XKR9: variants seen among roughly 807,000 people sequenced by gnomAD.
XKR9 encodes XK related 9.
A neutral mutation model predicts 32.0 loss-of-function variants in XKR9; 32 were observed. The observed-to-expected ratio is 1.00, with a 90% confidence interval of 0.76 to 1.34. XKR9 has a LOEUF of 1.34. XKR9 is among the 40% of genes most tolerant of loss of function. XKR9 has a pLI of 0.00. For synonymous variants in XKR9, 168 were observed against 143.4 expected, an observed-to-expected ratio of 1.17 and a Z score of -1.22; for missense variants, 546 against 429.7, an observed-to-expected ratio of 1.27 and a Z score of -2.39.
At chr8:70,709,934 A>G (rs900452785) in intron 4 of XKR9, among the ~76,000 whole-genome samples, 1 of 152,120 alleles carries the variant, frequency 6.6e-6, no homozygotes, top group African/African-American at 2.4e-5. Context: ...TACAGAATGA[A>G]AAAAAGATTC....
chr8:70,917,101 C>A, the XKR9 span, among the ~76,000 whole-genome samples: 2 of 152,148 alleles, frequency 1.3e-5, no homozygotes, highest in East Asian at 1.9e-4. Flanking sequence ...TTATTCTTAC[C>A]TTTACTCCAG....
rs192836102 is a variant in XKR9 at position 70,727,743 on chromosome 8, C to T, written c.494-6053C>T. ...GACAACTTAGTGGGTAGGGGAAGCC[C>T]GTGAGCTGGGAGTGCCGATTGGTCA... On this transcript the variant is annotated intron_variant, in intron 4 of 4. Coordinates refer to ENST00000408926, the MANE Select transcript of XKR9 (RefSeq NM_001011720.2). Among the ~76,000 whole-genome samples the T allele has an allele frequency of 1.1e-4, 16 of 151,932 alleles. 1 individual carries two copies. The highest frequency in any genetic ancestry group is 8.5e-4 in the Admixed American group (13 of 15,256).
At chr8:70,953,891 G>C in the XKR9 span, among the ~76,000 whole-genome samples, 5 of 152,148 alleles carry the variant, frequency 3.3e-5, no homozygotes, top group Non-Finnish European at 7.4e-5. Context: ...AGGCAAGGCG[G>C]TGGGAAAACA....
chr8:70,692,348 C>G (rs1480700962), intron 3 of XKR9, among the ~76,000 whole-genome samples: 2 of 151,994 alleles, frequency 1.3e-5, no homozygotes, highest in Admixed American at 6.6e-5. Context: ...GATATAGAAT[C>G]ATGTCATCTG....
intron 2 of XKR9, among the ~76,000 whole-genome samples, chr8:70,677,147 T>A (rs2132103403): frequency 6.9e-6 from 1 of 145,594 alleles, no homozygotes; most frequent in Admixed American, 6.8e-5. Flanking sequence ...AAAAAAAATC[T>A]TTTTTTGTTT....
At chr8:70,886,662 A>G in the XKR9 span, among the ~76,000 whole-genome samples, 2 of 139,218 alleles carry the variant, frequency 1.4e-5, no homozygotes, top group African/African-American at 2.5e-5. Flanking sequence ...TTTTTTTTTC[A>G]TATGTTTATT....
the XKR9 span, among the ~76,000 whole-genome samples, chr8:71,020,688 A>G: frequency 1.3e-5 from 2 of 152,188 alleles, no homozygotes; most frequent in African/African-American, 4.8e-5. Flanking sequence ...TTGTTATATA[A>G]TTGGAATGTG....
At chr8:70,844,072 G>A in the XKR9 span, among the ~76,000 whole-genome samples, 1 of 152,182 alleles carries the variant, frequency 6.6e-6, no homozygotes, top group African/African-American at 2.4e-5. Flanking sequence ...AGCTTACCAA[G>A]GACGATGTCC....
At chr8:70,837,833 T>C in the XKR9 span, among the ~76,000 whole-genome samples, 1 of 152,120 alleles carries the variant, frequency 6.6e-6, no homozygotes, top group Non-Finnish European at 1.5e-5. Context: ...TATACTTCAA[T>C]ATTAAACTAT....
the XKR9 span, among the ~76,000 whole-genome samples, chr8:70,853,538 G>T: frequency 2.7e-5 from 4 of 150,928 alleles, no homozygotes; most frequent in Admixed American, 2.6e-4. Context: ...ACAAAAAAAA[G>T]ACATTCTTTT....
At chr8:70,680,222 A>C (rs1447246786) in intron 2 of XKR9, among the ~76,000 whole-genome samples, 1 of 152,164 alleles carries the variant, frequency 6.6e-6, no homozygotes, top group Non-Finnish European at 1.5e-5. Context: ...TAAAGGCTGC[A>C]TGGTGTATCC....
chr8:70,707,250 T>C, intron 4 of XKR9, 97 bp downstream of exon 4: 21 of 848,732 alleles, frequency 2.5e-5, no homozygotes, highest in Non-Finnish European at 3.8e-5. Context: ...TTTAATACTT[T>C]AAAAATTATT....
At chr8:71,026,594 G>A in the XKR9 span, among the ~76,000 whole-genome samples, 1 of 152,204 alleles carries the variant, frequency 6.6e-6, no homozygotes, top group African/African-American at 2.4e-5. Context: ...ATAATCAAAT[G>A]CGTTGGAGTT....
chr8:70,822,064 C>A, the XKR9 span, among the ~76,000 whole-genome samples: 1 of 152,100 alleles, frequency 6.6e-6, no homozygotes, highest in Non-Finnish European at 1.5e-5. Context: ...ACATAAGTTT[C>A]AATTCCTTTA....
rs190032576 is a variant in XKR9 at position 70,762,669 on chromosome 8, A to G, written n.353-26670A>G. Among the ~76,000 whole-genome samples the G allele has an allele frequency of 1.0e-3, 158 of 152,322 alleles. 1 individual carries two copies. Among genetic ancestry groups the G allele is most frequent in the Middle Eastern group, 6.8e-3 (2 of 294 alleles). ...TATGGTATTTTTTGAAAATAATAAT[A>G]TATAAAGAGGTTAGTTTCAGCTGTT... On this transcript the variant is annotated intron_variant and non_coding_transcript_variant, in intron 2 of 3. Transcript: ENST00000520273.
the XKR9 span, among the ~76,000 whole-genome samples, chr8:71,048,824 G>A: frequency 6.6e-6 from 1 of 152,210 alleles, no homozygotes; most frequent in African/African-American, 2.4e-5. Flanking sequence ...TTGTGTTGGT[G>A]CAGCTTTCTG....
At chr8:70,958,916 A>G in the XKR9 span, among the ~76,000 whole-genome samples, 1 of 152,114 alleles carries the variant, frequency 6.6e-6, no homozygotes, top group African/African-American at 2.4e-5. Context: ...GAAATAACAT[A>G]TATATAATTT....
the XKR9 span, among the ~76,000 whole-genome samples, chr8:71,003,576 C>G: frequency 1.3e-5 from 2 of 152,130 alleles, no homozygotes; most frequent in Non-Finnish European, 2.9e-5. Flanking sequence ...TGCAAAGGCT[C>G]TTTGCTATTT....
chr8:70,740,280 T>A (rs1806947538), downstream of XKR9, among the ~76,000 whole-genome samples: 2 of 152,232 alleles, frequency 1.3e-5, no homozygotes, highest in African/African-American at 2.4e-5. Context: ...GTCTTCTGCA[T>A]TCTTCACGTA....
Sources: allele counts gnomAD v4.1 joint callset (sites outside exome capture counted in the v4.1 genomes callset), GRCh38; gene constraint gnomAD v4.1.1; transcripts MANE v1.5; gene names NCBI Gene and HGNC (gene_info 2026-07-23, HGNC 2026-07-21).